Variants in ORC4 observed in about 807,000 individuals in gnomAD.
The protein encoded by ORC4 is origin recognition complex, subunit 4 homolog.
In ORC4, 55 loss-of-function variants were observed where a neutral mutation model predicts 63.9. The observed-to-expected ratio is 0.86, with a 90% CI of 0.69 to 1.08. ORC4 has a LOEUF of 1.08. Ranked by LOEUF, ORC4 falls within the 50% of genes least tolerant of loss-of-function variation. The pLI is 0.00. For missense variants in ORC4, 511 were observed against 504.4 expected (o/e 1.01, Z -0.13); for synonymous variants, 150 against 168.5 (o/e 0.89, Z 0.85).
chr2:147,991,367 A>C (rs1194012888), intron 1 of ORC4, among the ~76,000 whole-genome samples: 4 of 152,114 alleles, frequency 2.6e-5, no homozygotes, highest in Admixed American at 6.5e-5. Flanking sequence ...TCTTTTAATA[A>C]GTGTACTTAC....
intron 1 of ORC4, among the ~76,000 whole-genome samples, chr2:148,005,666 A>AC (rs1188754312): frequency 6.8e-6 from 1 of 147,790 alleles, no homozygotes; most frequent in Non-Finnish European, 1.5e-5. Context: ...CAAAAAAAAA[A>AC]AAAAAAAAAA....
chr2:148,021,364 A>G, upstream of ORC4: 2 of 421,532 alleles, frequency 4.7e-6, no homozygotes, highest in East Asian at 6.6e-5. Flanking sequence ...CACCCCTCCA[A>G]CTCGCCTCCC....
rs760761262 is a variant in ORC4 at position 147,972,727 on chromosome 2, A to T, written c.225+12T>A. The T allele has an allele frequency of 1.3e-6, 2 of 1,563,114 alleles. No individual in the cohort carries two copies. The highest frequency in any genetic ancestry group is 4.5e-5 in the East Asian group (2 of 44,526). On this transcript the variant is annotated intron_variant, in intron 4 of 13. Coordinates refer to ENST00000392857, the MANE Select transcript of ORC4 (RefSeq NM_181741.4). Reference sequence around the variant, plus strand: ...CACATGCCAACAAACACCAGAAATCAACAGCTTTTACCATAGTTTTTCCTG... The same window carrying T: ...CACATGCCAACAAACACCAGAAATCTACAGCTTTTACCATAGTTTTTCCTG...
chr2:147,948,263 G>T (rs1688764121), intron 8 of ORC4, 39 bp from the exon 9 acceptor site: 2 of 1,464,274 alleles, frequency 1.4e-6, no homozygotes, highest in African/African-American at 1.4e-5. Context: ...GAAGATGAAT[G>T]TTTTTAAAAA....
intron 9 of ORC4, among the ~76,000 whole-genome samples, chr2:147,946,659 A>G (rs1461439589): frequency 2.0e-5 from 3 of 152,128 alleles, no homozygotes; most frequent in Non-Finnish European, 2.9e-5. Flanking sequence ...ATCAAGGCAT[A>G]ATATCTGAAT....
chr2:148,021,498 A>ACTGCTGCTGCTGCTGCTGCTACTGCTG, upstream of ORC4: 1 of 569,670 alleles, frequency 1.8e-6, no homozygotes, highest in South Asian at 1.5e-5. Context: ...TGCTGCTGCT[A>ACTGCTGCTGCTGCTGCTGCTACTGCTG]CTGCTGCTGC....
At chr2:148,018,081 C>A (rs1332373868) in intron 1 of ORC4, among the ~76,000 whole-genome samples, 1 of 151,842 alleles carries the variant, frequency 6.6e-6, no homozygotes. Flanking sequence ...AAACAGACAA[C>A]CCAATTAAAA....
At chr2:147,973,352 G>C (rs1167750299) in intron 3 of ORC4, 96 bp downstream of exon 3, 5 of 805,246 alleles carry the variant, frequency 6.2e-6, no homozygotes, top group African/African-American at 5.1e-5. Context: ...GTGTTTGTTA[G>C]CTTTATTTAA....
chr2:147,969,145 G>A (rs908073799), intron 4 of ORC4, among the ~76,000 whole-genome samples: 9 of 151,894 alleles, frequency 5.9e-5, no homozygotes, highest in African/African-American at 2.2e-4. Flanking sequence ...AGGAAAGGAG[G>A]GATAGTGAGA....
intron 1 of ORC4, among the ~76,000 whole-genome samples, chr2:147,995,708 C>T (rs896915101): frequency 1.3e-5 from 2 of 151,990 alleles, no homozygotes; most frequent in South Asian, 2.1e-4. Context: ...GCTTCACTCC[C>T]GAAGTTAGCG....
intron 4 of ORC4, among the ~76,000 whole-genome samples, chr2:147,966,912 G>C (rs1032163251): frequency 6.6e-6 from 1 of 152,040 alleles, no homozygotes; most frequent in Admixed American, 6.6e-5. Flanking sequence ...AAAAACTACA[G>C]GTCAACATCT....
intron 1 of ORC4, among the ~76,000 whole-genome samples, chr2:147,979,487 C>T (rs1476531747): frequency 6.6e-6 from 1 of 151,910 alleles, no homozygotes; most frequent in African/African-American, 2.4e-5. Context: ...CTGAAAGAAT[C>T]AATGTTATTA....
intron 1 of ORC4, among the ~76,000 whole-genome samples, chr2:148,017,614 G>A (rs543138534): frequency 9.2e-5 from 14 of 152,356 alleles, no homozygotes; most frequent in African/African-American, 3.4e-4. Context: ...GGAGGTTGCA[G>A]TGAGCCAAGA....
chr2:147,989,205 C>A (rs180769883), intron 1 of ORC4, among the ~76,000 whole-genome samples: 2 of 152,046 alleles, frequency 1.3e-5, no homozygotes, highest in African/African-American at 2.4e-5. Flanking sequence ...AAAAGGCACG[C>A]TCTGAGTTGT....
At chr2:147,962,746 C>T (rs1254958313) in intron 4 of ORC4, among the ~76,000 whole-genome samples, 2 of 152,082 alleles carry the variant, frequency 1.3e-5, no homozygotes, top group African/African-American at 4.8e-5. Context: ...ACTGGCAGAG[C>T]GGCTATGCAC....
upstream of ORC4, chr2:148,021,480 G>A (rs1489723002): frequency 1.7e-6 from 1 of 577,042 alleles, no homozygotes; most frequent in South Asian, 1.5e-5. Flanking sequence ...TGCTGCTGCT[G>A]TTGCTGCTGC....
At chr2:147,974,351 G>C (rs1690402446) in intron 2 of ORC4, among the ~76,000 whole-genome samples, 2 of 151,990 alleles carry the variant, frequency 1.3e-5, no homozygotes, top group African/African-American at 2.4e-5. Flanking sequence ...TTAAAAAAGG[G>C]GGCTGGCCGC....
intron 1 of ORC4, among the ~76,000 whole-genome samples, chr2:147,984,998 A>G (rs1306101475): frequency 6.6e-6 from 1 of 152,150 alleles, no homozygotes; most frequent in African/African-American, 2.4e-5. Context: ...GATAAATTCT[A>G]AAAATTATGA....
At chr2:147,987,572 C>T (rs567897270) in intron 1 of ORC4, among the ~76,000 whole-genome samples, 8 of 151,936 alleles carry the variant, frequency 5.3e-5, no homozygotes, top group Non-Finnish European at 8.8e-5. Context: ...GTAATTACGA[C>T]GCCAGGAGCT....
Sources: allele counts gnomAD v4.1 joint callset (sites outside exome capture counted in the v4.1 genomes callset), GRCh38; gene constraint gnomAD v4.1.1; transcripts MANE v1.5; gene names NCBI Gene and HGNC (gene_info 2026-07-23, HGNC 2026-07-21).